Variants in PRDM2 observed in about 807,000 individuals in gnomAD.
PRDM2 encodes PR/SET domain 2.
In PRDM2, 30 loss-of-function variants were observed where a neutral mutation model predicts 130.0. The ratio of observed to expected loss-of-function variants is 0.23; its 90% CI spans 0.17 to 0.31. The LOEUF (loss-of-function observed/expected upper bound fraction) is 0.31, where lower values mean the gene tolerates loss of function less well. PRDM2 is among the 10% of genes least tolerant of loss of function. The pLI, the probability that PRDM2 is intolerant of heterozygous loss-of-function variation, is 1.00. For synonymous variants in PRDM2, 871 were observed against 782.4 expected (o/e 1.11, Z -1.89); for missense variants, 2,011 against 2,108.4 (o/e 0.95, Z 0.90).
intron 6 of PRDM2, among the ~76,000 whole-genome samples, chr1:13,749,828 CG>C (rs1643757982): frequency 2.6e-5 from 4 of 152,108 alleles, no homozygotes; most frequent in Admixed American, 2.6e-4. Flanking sequence ...GACGTTCCCC[CG>C]CTGGCACCCC....
intron 9 of PRDM2, among the ~76,000 whole-genome samples, chr1:13,822,280 T>C (rs1160457329): frequency 1.3e-5 from 2 of 152,138 alleles, no homozygotes; most frequent in Non-Finnish European, 2.9e-5. Flanking sequence ...ACCATACGTG[T>C]CCTCTAGACA....
chr1:13,802,800 T>C (rs1168379007), intron 8 of PRDM2, among the ~76,000 whole-genome samples: 1 of 152,240 alleles, frequency 6.6e-6, no homozygotes, highest in South Asian at 2.1e-4. Flanking sequence ...TCGTGTTTTC[T>C]TTTTGGCTTC....
chr1:13,784,649 C>A (rs4661442), intron 8 of PRDM2, among the ~76,000 whole-genome samples: 2,263 of 152,316 alleles, frequency 0.015, 25 homozygotes, highest in Non-Finnish European at 0.024. Context: ...CCTTAAAAAT[C>A]ATGTCTCTTC....
intron 5 of PRDM2, among the ~76,000 whole-genome samples, chr1:13,742,395 C>T (rs1643474137): frequency 6.6e-6 from 1 of 152,082 alleles, no homozygotes; most frequent in Non-Finnish European, 1.5e-5. Context: ...AGAGACAGAG[C>T]TTTGCTATGT....
chr1:13,706,178 T>C (rs1642205827), intron 1 of PRDM2, among the ~76,000 whole-genome samples: 1 of 152,130 alleles, frequency 6.6e-6, no homozygotes, highest in Non-Finnish European at 1.5e-5. Flanking sequence ...ATTCCTTCCC[T>C]CTGCAGTGTC....
Position 13,781,594 on chromosome 1 carries a change from G to A in PRDM2, c.3799G>A (p.Glu1267Lys). Reference sequence around the variant, plus strand: ...AGAAGAGGAGTTAAATGATTCCTCTGAAGAGCTTTACACGACTATAAAAAT... The same window carrying A: ...AGAAGAGGAGTTAAATGATTCCTCTAAAGAGCTTTACACGACTATAAAAAT... The part of the protein sequence containing the change: ...KEEEELNDSS[E>K]ELYTTIKIMA... Residue 1267 changes from glutamate (E) to lysine (K), a missense_variant, in exon 8 of 10, where the codon GAA becomes AAA. Physicochemically the swap from Glu to Lys is moderately conservative, Grantham distance 56. Around this residue, in one of 5 missense-constraint regions of PRDM2, gnomAD observed 229 missense variants for 364.1 expected, o/e 0.63. Coordinates refer to ENST00000311066, the MANE Select transcript of PRDM2 (RefSeq NM_001393986.1). This position sits in a 1 kb window ranked among gnomAD's most constrained non-coding sequence, Gnocchi z 6.1. 1 of 1,612,976 alleles carries A rather than the reference G, an allele frequency of 6.2e-7. No individual in the cohort carries two copies. The highest frequency in any genetic ancestry group is 8.5e-7 in the Non-Finnish European group (1 of 1,179,890).
At chr1:13,723,256 C>T (rs1019658903) in intron 2 of PRDM2, among the ~76,000 whole-genome samples, 2 of 152,290 alleles carry the variant, frequency 1.3e-5, no homozygotes, top group South Asian at 2.1e-4. Context: ...TGCACTGTCC[C>T]CTCCTTATCT....
chr1:13,715,514 A>G (rs1642505595), intron 1 of PRDM2, 27 bp from the exon 2 acceptor site: 15 of 1,171,410 alleles, frequency 1.3e-5, no homozygotes, highest in South Asian at 6.6e-5. Flanking sequence ...GCAGGTACAT[A>G]TTACAATTGT....
intron 5 of PRDM2, among the ~76,000 whole-genome samples, chr1:13,743,156 T>G (rs1643498598): frequency 1.3e-5 from 2 of 151,950 alleles, no homozygotes; most frequent in Non-Finnish European, 2.9e-5. Flanking sequence ...TCCCAGCGCT[T>G]TGGGAGGCCA....
chr1:13,748,180 T>C (rs1643673337), intron 5 of PRDM2, among the ~76,000 whole-genome samples: 1 of 152,272 alleles, frequency 6.6e-6, no homozygotes, highest in Non-Finnish European at 1.5e-5. Flanking sequence ...TGTTGGTATG[T>C]CTTATTACAA....
chr1:13,737,163 C>T (rs1353502727), intron 4 of PRDM2, among the ~76,000 whole-genome samples: 1 of 152,210 alleles, frequency 6.6e-6, no homozygotes, highest in East Asian at 1.9e-4. Flanking sequence ...GCTCTCAGTG[C>T]TGCTTTCTAG....
At chr1:13,736,394 T>A (rs998902490) in intron 4 of PRDM2, among the ~76,000 whole-genome samples, 3 of 152,204 alleles carry the variant, frequency 2.0e-5, no homozygotes, top group African/African-American at 7.2e-5. Flanking sequence ...AGTGCTGGGG[T>A]TACAGGTGCG....
At chr1:13,726,353 C>G (rs1313209107) in intron 2 of PRDM2, among the ~76,000 whole-genome samples, 1 of 152,196 alleles carries the variant, frequency 6.6e-6, no homozygotes, top group Non-Finnish European at 1.5e-5. Flanking sequence ...AGTAGAAGGG[C>G]CCTTCAGAGG....
chr1:13,777,317 C>G (rs1451141896), intron 7 of PRDM2, among the ~76,000 whole-genome samples: 1 of 152,102 alleles, frequency 6.6e-6, no homozygotes, highest in African/African-American at 2.4e-5. Context: ...TCTGCCTCCA[C>G]CCTTGTCACC....
At chr1:13,726,950 G>A (rs1642937327) in intron 2 of PRDM2, among the ~76,000 whole-genome samples, 1 of 151,846 alleles carries the variant, frequency 6.6e-6, no homozygotes, top group African/African-American at 2.4e-5. Context: ...CTTGCGATCT[G>A]CTCTCTGCTC....
intron 1 of PRDM2, among the ~76,000 whole-genome samples, chr1:13,701,083 C>T (rs530300397): frequency 6.6e-6 from 1 of 152,314 alleles, no homozygotes; most frequent in African/African-American, 2.4e-5. Context: ...GGGCTGTGAG[C>T]TGCGGCAAAG....
rs1165810783 is a variant in PRDM2, at chr1:13,779,381, A to T, written c.1586A>T (p.Glu529Val). 2 of 1,614,114 alleles carry T rather than the reference A, an allele frequency of 1.2e-6. No homozygotes were observed. Among genetic ancestry groups the T allele is most frequent in the Non-Finnish European group, 1.7e-6 (2 of 1,180,050 alleles). Residue 529 changes from glutamate to valine, a missense_variant, in exon 8 of 10, where the codon GAA (glutamate) becomes GTA (valine). Glu to Val is a moderately radical substitution (Grantham distance 121, BLOSUM62 -2). Transcript: ENST00000311066. The surrounding 1 kb of genome is among the most constrained non-coding windows in gnomAD (Gnocchi z 4.9). ...GGLEEPQPPA[E>V]QAQATQNVYV... is the part of the protein sequence containing the mutation. ...CTTGAAGAGCCCCAGCCTCCAGCAG[A>T]ACAGGCCCAGGCCACCCAGAACGTG...
At chr1:13,812,638 G>T (rs1025520732) in intron 8 of PRDM2, among the ~76,000 whole-genome samples, 5 of 152,186 alleles carry the variant, frequency 3.3e-5, no homozygotes, top group African/African-American at 1.2e-4. Flanking sequence ...GGCCCGGCAG[G>T]CAGTGGGTGT....
chr1:13,725,105 G>A (rs902030075), intron 2 of PRDM2, among the ~76,000 whole-genome samples: 3 of 152,150 alleles, frequency 2.0e-5, no homozygotes, highest in Non-Finnish European at 2.9e-5. Flanking sequence ...GATGATGTTT[G>A]TTGTATCTAT....
Sources: allele counts gnomAD v4.1 joint callset (sites outside exome capture counted in the v4.1 genomes callset), GRCh38; gene constraint gnomAD v4.1.1; regional missense constraint gnomAD v4.1.1; non-coding constraint Gnocchi (gnomAD v3.1); transcripts MANE v1.5; gene names NCBI Gene and HGNC (gene_info 2026-07-23, HGNC 2026-07-21).